Variants in ITPRID1 observed in about 807,000 individuals in gnomAD.
ITPRID1 encodes the protein ITPR interacting domain containing 1.
ITPRID1 carries 96 observed loss-of-function variants against 95.4 expected under a neutral mutation model. The ratio of observed to expected loss-of-function variants is 1.01; its 90% CI spans 0.85 to 1.19. The LOEUF (loss-of-function observed/expected upper bound fraction) is 1.19. ITPRID1 is among the 50% of genes most tolerant of loss of function. ITPRID1 has a pLI of 0.00. For missense variants in ITPRID1, 1,339 were observed against 1,252.9 expected (o/e 1.07, Z -1.04); for synonymous variants, 510 against 453.6 (o/e 1.12, Z -1.58).
In ITPRID1 at chr7:31,549,571, A is replaced by T. The variant is rs1049818050; in HGVS notation, c.-24+72A>T. ...ATAAAGTGTTTATTTCATACTCATT[A>T]TAGATATGAGGAAATAGATTATCAG... On this transcript the variant is annotated intron_variant, in intron 2 of 14. Transcript: ENST00000615280. 18 of 1,094,568 alleles carry T rather than the reference A, an allele frequency of 1.6e-5. No individual in the cohort carries two copies. The Admixed American group carries it at 2.5e-4, about 15-fold the overall frequency. The allele number at this position is 1,094,568 out of a possible 1,614,324, so 67.8% of individuals were successfully genotyped here.
intron 12 of ITPRID1, among the ~76,000 whole-genome samples, chr7:31,649,137 A>G (rs1412852757): frequency 6.6e-6 from 1 of 152,262 alleles, no homozygotes; most frequent in Non-Finnish European, 1.5e-5. Context: ...TATTCAGTAT[A>G]AAAGCGAGAG....
At chr7:31,625,768 T>C (rs1459994615) in intron 10 of ITPRID1, among the ~76,000 whole-genome samples, 1 of 151,694 alleles carries the variant, frequency 6.6e-6, no homozygotes, top group African/African-American at 2.4e-5. Context: ...ACTTAAAGTA[T>C]AATTAAAAAA....
Position 31,549,450 on chromosome 7 carries a change from G to C in ITPRID1, c.-73G>C. The C allele has an allele frequency of 6.6e-7, 1 of 1,514,654 alleles. No individual in the cohort carries two copies. Among genetic ancestry groups the C allele is most frequent in the Non-Finnish European group, 8.8e-7 (1 of 1,138,310 alleles). The allele number at this position is 1,514,654 out of a possible 1,614,324, so 93.8% of individuals were successfully genotyped here. ...GTTCCTGACAGGATAAGGACAAGAAGCAACACACAGAAGAGAAGGAAAAAG... is the reference window on the plus strand; with the variant it reads ...GTTCCTGACAGGATAAGGACAAGAACCAACACACAGAAGAGAAGGAAAAAG... On this transcript the variant is annotated 5_prime_UTR_variant, in exon 2 of 15. Coordinates refer to ENST00000615280, the MANE Select transcript of ITPRID1 (RefSeq NM_001257967.3).
At chr7:31,519,606 CTCTCTCTCTCTCTCTA>C (rs1783156802) in intron 1 of ITPRID1, among the ~76,000 whole-genome samples, 2 of 56,840 alleles carry the variant, frequency 3.5e-5, no homozygotes, top group Non-Finnish European at 7.0e-5. Flanking sequence ...CTCTCTCTCT[CTCTCTCTCTCTCTCTA>C]TATATATATA....
intron 10 of ITPRID1, among the ~76,000 whole-genome samples, chr7:31,634,230 T>C (rs1391628429): frequency 2.6e-5 from 4 of 152,204 alleles, no homozygotes; most frequent in Non-Finnish European, 5.9e-5. Flanking sequence ...AGGGTAAAAT[T>C]CATCTCCATG....
At chr7:31,634,919 G>A (rs1464396221) in intron 10 of ITPRID1, among the ~76,000 whole-genome samples, 1 of 152,184 alleles carries the variant, frequency 6.6e-6, no homozygotes, top group Non-Finnish European at 1.5e-5. Context: ...AGGGCAATGA[G>A]ACGTCTCAAG....
At chr7:31,557,946 AC>A (rs1171893285) in intron 5 of ITPRID1, among the ~76,000 whole-genome samples, 1 of 152,196 alleles carries the variant, frequency 6.6e-6, no homozygotes, top group African/African-American at 2.4e-5. Flanking sequence ...TCATGTTGAA[AC>A]TTAATCACCA....
chr7:31,658,072 G>T (rs1480357744), downstream of ITPRID1, among the ~76,000 whole-genome samples: 1 of 152,146 alleles, frequency 6.6e-6, no homozygotes, highest in South Asian at 2.1e-4. Context: ...TCTTTTCCTT[G>T]ATTTCGTTAT....
Position 31,651,974 on chromosome 7 carries a change from C to A in ITPRID1, c.2747C>A (p.Ala916Asp). ...EAEQLQTLRE[A>D]LRQQVAELEF... ...GAGCAACTGCAAACGTTACGTGAGG[C>A]CCTGAGGCAGCAGGTGGCAGAGTTG... Residue 916 changes from alanine (A) to aspartate (D), a missense_variant, in exon 14 of 15, where the codon GCC becomes GAC. Physicochemically the swap from Ala to Asp is moderately radical, Grantham distance 126. Transcript: ENST00000615280. The A allele has an allele frequency of 1.9e-6, 3 of 1,604,216 alleles. No individual in the cohort carries two copies. The highest frequency in any genetic ancestry group is 1.3e-5 in the African/African-American group (1 of 74,838).
chr7:31,522,281 G>C (rs1340427302), intron 1 of ITPRID1, among the ~76,000 whole-genome samples: 1 of 152,094 alleles, frequency 6.6e-6, no homozygotes, highest in Non-Finnish European at 1.5e-5. Context: ...CCTCCCTTAG[G>C]CTAGCCACCT....
At chr7:31,528,407 A>G (rs570406188) in intron 1 of ITPRID1, among the ~76,000 whole-genome samples, 21 of 152,308 alleles carry the variant, frequency 1.4e-4, no homozygotes, top group Middle Eastern at 6.8e-3. Flanking sequence ...ATGCTTTGTC[A>G]TTAGCCTTTT....
At position 31,530,209 on chromosome 7, in the gene ITPRID1, T is replaced by A. The variant is rs1376944066; in HGVS notation, c.-98+16089T>A. The stretch of plus-strand genomic sequence containing the variant: ...TCTGAGGAGTGATGCAGAAATTATA[T>A]TTTCCCTTCTTTTTATTGCTATTCT... On this transcript the variant is annotated intron_variant, in intron 1 of 14. Transcript: ENST00000615280. 1.3e-5 allele frequency among the ~76,000 whole-genome samples: 2 copies of A among 152,204 alleles called. 1 individual carries two copies. The highest frequency in any genetic ancestry group is 2.9e-5 in the Non-Finnish European group (2 of 68,036).
chr7:31,596,190 A>G (rs1786082690), intron 10 of ITPRID1, among the ~76,000 whole-genome samples: 1 of 151,444 alleles, frequency 6.6e-6, no homozygotes, highest in Non-Finnish European at 1.5e-5. Flanking sequence ...AGCTAATACC[A>G]TAGGGGAAAA....
At chr7:31,600,054 T>A (rs985555476) in intron 10 of ITPRID1, among the ~76,000 whole-genome samples, 1 of 152,178 alleles carries the variant, frequency 6.6e-6, no homozygotes, top group Non-Finnish European at 1.5e-5. Flanking sequence ...TCACAAAGTA[T>A]TTTTAACAAA....
chr7:31,612,104 T>C (rs1786895449), intron 10 of ITPRID1, among the ~76,000 whole-genome samples: 1 of 151,994 alleles, frequency 6.6e-6, no homozygotes, highest in Admixed American at 6.6e-5. Flanking sequence ...CTGATTCTTT[T>C]TCTTCTGCCA....
chr7:31,622,420 G>A (rs1176567933), intron 10 of ITPRID1, among the ~76,000 whole-genome samples: 2 of 151,778 alleles, frequency 1.3e-5, no homozygotes, highest in Non-Finnish European at 2.9e-5. Flanking sequence ...TCAGACCACA[G>A]TGCAATCAAA....
At chr7:31,590,623 G>GA (rs1457697607) in intron 10 of ITPRID1, among the ~76,000 whole-genome samples, 2 of 151,886 alleles carry the variant, frequency 1.3e-5, no homozygotes, top group Non-Finnish European at 2.9e-5. Context: ...GCAGAGAGAA[G>GA]AAAAAAAATG....
At position 31,553,146 on chromosome 7, in the gene ITPRID1, A is replaced by T; in HGVS notation, c.122A>T (p.Asp41Val). Residue 41 changes from aspartate to valine, a missense_variant, in exon 3 of 15, where the codon GAC (aspartate) becomes GTC (valine). Asp to Val is a radical substitution (Grantham distance 152). Transcript: ENST00000615280. ...WAPLDEWLPPDPEEESQSLTI... is the reference protein window; with the variant it reads ...WAPLDEWLPPVPEEESQSLTI... The stretch of plus-strand genomic sequence containing the variant: ...CCGCTGGATGAGTGGCTGCCCCCTG[A>T]CCCTGAGGAGGAAAGCCAGAGTCTC... 6.3e-7 allele frequency: 1 copy of T among 1,591,314 alleles called. No individual in the cohort carries two copies. The highest frequency in any genetic ancestry group is 8.6e-7 in the Non-Finnish European group (1 of 1,167,958).
chr7:31,553,078 G>A lies in ITPRID1; in HGVS notation c.54G>A (p.Lys18=), dbSNP rs1324481903. The change falls in exon 3 of 15, where the codon AAG becomes AAA. Residue 18 remains lysine (K), a synonymous_variant. Coordinates refer to ENST00000615280, the MANE Select transcript of ITPRID1 (RefSeq NM_001257967.3). Reference sequence around the variant, plus strand: ...ACAACCTTCAGGAAGGCCAGGAAAAGAGCAAGAGAGAGATCCTGAAGTGCA... The same window carrying A: ...ACAACCTTCAGGAAGGCCAGGAAAAAAGCAAGAGAGAGATCCTGAAGTGCA... ...GSDNLQEGQE[K]SKREILKCTK... 2 of 1,607,902 alleles carry A rather than the reference G, an allele frequency of 1.2e-6. No homozygotes were observed. Among genetic ancestry groups the A allele is most frequent in the Non-Finnish European group, 1.7e-6 (2 of 1,177,106 alleles).
Sources: gnomAD v4.1 joint callset for allele counts (sites outside exome capture counted in the v4.1 genomes callset) on GRCh38, gnomAD v4.1.1 for gene constraint, MANE v1.5 for transcripts, NCBI Gene and HGNC (gene_info 2026-07-23, HGNC 2026-07-21) for gene names.